Variants in AMH observed in about 807,000 individuals in gnomAD.
AMH encodes anti-Mullerian hormone.
In AMH, 39 loss-of-function variants were observed where a neutral mutation model predicts 33.3. The ratio of observed to expected loss-of-function variants is 1.17; its 90% CI spans 0.91 to 1.53. The LOEUF is 1.53. AMH is among the 40% of genes most tolerant of loss of function. The probability of loss-of-function intolerance (pLI) is 0.00; values close to 1 mark genes in which losing one functional copy is unlikely to be tolerated. For synonymous variants in AMH, 536 were observed against 403.0 expected, an observed-to-expected ratio of 1.33 and a Z score of -3.95; for missense variants, 1,019 against 799.8, an observed-to-expected ratio of 1.27 and a Z score of -3.30.
rs761154658 is a variant in AMH at position 2,250,768 on chromosome 19, C to CGCGTGGAGAGGG, written c.664+9_664+20dup. On this transcript the variant is annotated intron_variant, in intron 3 of 4. Coordinates refer to ENST00000221496, the MANE Select transcript of AMH (RefSeq NM_000479.5). ...TGCAGCCCCGCGGAGAGGGTAGGTC[C>CGCGTGGAGAGGG]GCGTGGAGAGGGACGGGGAGCCGGG... 5.9e-5 allele frequency: 90 copies of CGCGTGGAGAGGG among 1,535,074 alleles called. No individual in the cohort carries two copies. In the Middle Eastern group the frequency reaches 1.1e-3, roughly 19 times the overall value.
intron 1 of AMH, 192 bp from the exon 2 acceptor site, chr19:2,250,145 A>G (rs1473661009): frequency 8.6e-6 from 8 of 930,698 alleles, no homozygotes; most frequent in Non-Finnish European, 1.3e-5. Flanking sequence ...CCCCACCCAC[A>G]GCCTCAGACG....
At chr19:2,250,062 C>T (rs116060400) in intron 1 of AMH, 400 of 626,582 alleles carry the variant, frequency 6.4e-4, no homozygotes, top group African/African-American at 6.0e-3. Context: ...TTCTCAGGGC[C>T]GCTGGCCTAA....
At position 2,250,902 on chromosome 19, in the gene AMH, C is replaced by A. The variant is rs915766045; in HGVS notation, c.718C>A (p.Arg240Ser). ...LQALLFGDDH[R>S]CFTRMTPALL... The stretch of plus-strand genomic sequence containing the variant: ...GGCACTGCTGTTCGGCGACGACCAC[C>A]GCTGCTTCACACGGATGACCCCGGC... The change falls in exon 4 of 5, where the codon CGC becomes AGC. Residue 240 changes from arginine (R) to serine (S), a missense_variant. Physicochemically the swap from Arg to Ser is moderately radical, Grantham distance 110. Transcript: ENST00000221496. The A allele has an allele frequency of 6.4e-7, 1 of 1,572,140 alleles. No homozygotes were observed. The highest frequency in any genetic ancestry group is 1.3e-5 in the African/African-American group (1 of 74,534).
At position 2,251,515 on chromosome 19, in the gene AMH, G is replaced by A. The variant is rs1568394742; in HGVS notation, c.1241G>A (p.Gly414Asp). Residue 414 changes from glycine (G) to aspartate (D), a missense_variant, in exon 5 of 5, where the codon GGC becomes GAC. By Grantham distance (94) the Gly-to-Asp change is moderately conservative. Coordinates refer to ENST00000221496, the MANE Select transcript of AMH (RefSeq NM_000479.5). ...LARLLALCPG[G>D]PGGLGDPLRA... is the part of the protein sequence containing the mutation. ...CGCCTGCTCGCGCTCTGCCCAGGTG[G>A]CCCCGGCGGCCTCGGCGATCCCCTG... The A allele has an allele frequency of 3.0e-6, 4 of 1,340,322 alleles. No homozygotes were observed. In the East Asian group the frequency reaches 1.3e-4, roughly 43 times the overall value. The allele number at this position is 1,340,322 out of a possible 1,614,324, so 83.0% of individuals were successfully genotyped here. A position where few individuals can be genotyped will look rare whatever the true frequency, so the allele number is the denominator to read the frequency against.
chr19:2,250,824 C>T (rs752384580), intron 3 of AMH, 25 bp from the exon 4 acceptor site: 71 of 1,547,270 alleles, frequency 4.6e-5, no homozygotes, highest in Middle Eastern at 4.3e-4. Flanking sequence ...AGCCCCTGAG[C>T]CAGCCGCGTG....
In AMH at chr19:2,251,416, C is replaced by T. The variant is rs1353671295; in HGVS notation, c.1142C>T (p.Ala381Val). The stretch of plus-strand genomic sequence containing the variant: ...ACGGCCCTGGCGCGCCGCGTGGCTG[C>T]TGAACTGCAAGCGGCGGCTGCCGAG... ...WATALARRVA[A>V]ELQAAAAELR... The change falls in exon 5 of 5, where the codon GCT becomes GTT. Residue 381 changes from alanine to valine, a missense_variant. By Grantham distance (64) the Ala-to-Val change is moderately conservative (BLOSUM62 0). Transcript: ENST00000221496. 1 of 1,446,252 alleles carries T rather than the reference C, an allele frequency of 6.9e-7. No individual in the cohort carries two copies. Among genetic ancestry groups the T allele is most frequent in the East Asian group, 3.1e-5 (1 of 32,762 alleles). The allele number at this position is 1,446,252 out of a possible 1,614,324, so 89.6% of individuals were successfully genotyped here. A position where few individuals can be genotyped will look rare whatever the true frequency, so the allele number is the denominator to read the frequency against.
chr19:2,251,821 G>C lies in AMH; in HGVS notation c.1547G>C (p.Arg516Pro). 2.5e-6 allele frequency: 4 copies of C among 1,603,672 alleles called. No homozygotes were observed. The highest frequency in any genetic ancestry group is 2.5e-6 in the Non-Finnish European group (3 of 1,178,596). ...HVVLLLKMQVRGAALARPPCC... is the reference protein window; with the variant it reads ...HVVLLLKMQVPGAALARPPCC... ...GTGCTGCTGCTGAAGATGCAGGTCC[G>C]TGGGGCCGCCCTGGCGCGCCCACCC... Residue 516 changes from arginine to proline, a missense_variant, in exon 5 of 5, where the codon CGT becomes CCT. By Grantham distance (103) the Arg-to-Pro change is moderately radical (BLOSUM62 -2). Coordinates refer to ENST00000221496, the MANE Select transcript of AMH (RefSeq NM_000479.5).
At position 2,250,991 on chromosome 19, in the gene AMH, G is replaced by A. The variant is rs781479377; in HGVS notation, c.807G>A (p.Val269=). 3 of 1,514,838 alleles carry A rather than the reference G, an allele frequency of 2.0e-6. No homozygotes were observed. The highest frequency in any genetic ancestry group is 2.6e-5 in the East Asian group (1 of 38,510). The allele number at this position is 1,514,838 out of a possible 1,614,324, so 93.8% of individuals were successfully genotyped here. The change falls in exon 4 of 5, where the codon GTG becomes GTA. Residue 269 remains valine (V), a synonymous_variant. Coordinates refer to ENST00000221496, the MANE Select transcript of AMH (RefSeq NM_000479.5). ...CTGCGCACGGCCAGCTGGACACCGT[G>A]CCCTTCCCGCCGCCCAGGTGCGCGC... The part of the protein sequence containing the change: ...PLPAHGQLDT[V]PFPPPRPSAE...
chr19:2,249,419 G>C lies in AMH; in HGVS notation c.87G>C (p.Glu29Asp), dbSNP rs765683297. The change falls in exon 1 of 5, where the codon GAG (glutamate) becomes GAC (aspartate). Residue 29 changes from glutamate to aspartate, a missense_variant. Physicochemically the swap from Glu to Asp is conservative, Grantham distance 45 (BLOSUM62 2). Transcript: ENST00000221496. ...GGACTGAGGCCCTCAGAGCAGAGGA[G>C]CCAGCTGTGGGCACCAGTGGCCTCA... is the stretch of plus-strand genomic sequence containing the variant. Reference protein sequence around the residue: ...LLGTEALRAEEPAVGTSGLIF... With the variant: ...LLGTEALRAEDPAVGTSGLIF... 1 of 1,597,774 alleles carries C rather than the reference G, an allele frequency of 6.3e-7. No individual in the cohort carries two copies. Among genetic ancestry groups the C allele is most frequent in the Non-Finnish European group, 8.5e-7 (1 of 1,173,066 alleles).
At position 2,249,461 on chromosome 19, in the gene AMH, G is replaced by T; in HGVS notation, c.129G>T (p.Leu43Phe). Residue 43 changes from leucine to phenylalanine, a missense_variant, in exon 1 of 5, where the codon TTG (leucine) becomes TTT (phenylalanine). Physicochemically the swap from Leu to Phe is conservative, Grantham distance 22. Transcript: ENST00000221496. ...GTGGCCTCATCTTCCGAGAAGACTT[G>T]GACTGGCCTCCAGGCAGCCCACAAG... ...GTSGLIFRED[L>F]DWPPGSPQEP... The T allele has an allele frequency of 6.2e-7, 1 of 1,606,486 alleles. No individual in the cohort carries two copies.
Position 2,250,754 on chromosome 19 carries a change from G to T in AMH, c.658G>T (p.Gly220Ter). The T allele has an allele frequency of 6.5e-7, 1 of 1,535,528 alleles. No homozygotes were observed. The highest frequency in any genetic ancestry group is 8.7e-7 in the Non-Finnish European group (1 of 1,147,010). Residue 220 changes from glycine (G) to a stop codon, truncating the protein, a stop_gained, in exon 3 of 5, where the codon GGA (glycine) becomes TGA (stop). Coordinates refer to ENST00000221496, the MANE Select transcript of AMH (RefSeq NM_000479.5). LOFTEE classifies it high-confidence loss of function. ...GCTGGCCTTGACCCTGCAGCCCCGC[G>T]GAGAGGGTAGGTCCGCGTGGAGAGG... ...SGLALTLQPR[G>*]EDSRLSTARL...
In AMH at chr19:2,249,477, A is replaced by G; in HGVS notation, c.145A>G (p.Ser49Gly). The change falls in exon 1 of 5, where the codon AGC becomes GGC. Residue 49 changes from serine (S) to glycine (G), a missense_variant. Ser to Gly is a moderately conservative substitution (Grantham distance 56, BLOSUM62 0). Coordinates refer to ENST00000221496, the MANE Select transcript of AMH (RefSeq NM_000479.5). ...FREDLDWPPG[S>G]PQEPLCLVAL... is the part of the protein sequence containing the mutation. ...AGAAGACTTGGACTGGCCTCCAGGC[A>G]GCCCACAAGAGCCTCTGTGCCTGGT... The G allele has an allele frequency of 1.2e-6, 2 of 1,607,530 alleles. No homozygotes were observed. The highest frequency in any genetic ancestry group is 8.5e-7 in the Non-Finnish European group (1 of 1,177,864).
chr19:2,249,884 G>A lies in AMH; in HGVS notation c.412+140G>A, dbSNP rs1057359754. 1.9e-4 allele frequency: 199 copies of A among 1,039,088 alleles called. 2 individuals are homozygous for A. The highest frequency in any genetic ancestry group is 1.9e-3 in the Middle Eastern group (6 of 3,176). The allele number at this position is 1,039,088 out of a possible 1,614,324, so 64.4% of individuals were successfully genotyped here. A position where few individuals can be genotyped will look rare whatever the true frequency, so the allele number is the denominator to read the frequency against. ...TCTTGTTCCTAGGACTGGGTTGCGGGTCCGTGGCCTGGAAGGTGGGCACCA... is the reference window on the plus strand; with the variant it reads ...TCTTGTTCCTAGGACTGGGTTGCGGATCCGTGGCCTGGAAGGTGGGCACCA... On this transcript the variant is annotated intron_variant, in intron 1 of 4. Coordinates refer to ENST00000221496, the MANE Select transcript of AMH (RefSeq NM_000479.5).
chr19:2,251,125 C>T lies in AMH; in HGVS notation c.851C>T (p.Pro284Leu). The T allele has an allele frequency of 1.9e-6, 3 of 1,540,478 alleles. No individual in the cohort carries two copies. The Middle Eastern group carries it at 5.1e-4, about 264-fold the overall frequency. ...PRPSAELEES[P>L]PSADPFLETL... ...CCATCCGCGGAACTCGAGGAGTCGC[C>T]ACCCAGCGCAGACCCCTTCCTGGAG... The change falls in exon 5 of 5, where the codon CCA (proline) becomes CTA (leucine). Residue 284 changes from proline to leucine, a missense_variant. Coordinates refer to ENST00000221496, the MANE Select transcript of AMH (RefSeq NM_000479.5).
In AMH at chr19:2,249,749, G is replaced by T; in HGVS notation, c.412+5G>T. 1 of 1,499,304 alleles carries T rather than the reference G, an allele frequency of 6.7e-7. No homozygotes were observed. Among genetic ancestry groups the T allele is most frequent in the African/African-American group, 1.4e-5 (1 of 71,586 alleles). The allele number at this position is 1,499,304 out of a possible 1,614,324, so 92.9% of individuals were successfully genotyped here. A position where few individuals can be genotyped will look rare whatever the true frequency, so the allele number is the denominator to read the frequency against. On this transcript the variant is annotated splice_donor_5th_base_variant and intron_variant, in intron 1 of 4. Coordinates refer to ENST00000221496, the MANE Select transcript of AMH (RefSeq NM_000479.5). ...TGGTCCTACACCTGGAGGAAGGTATGTGGGGCCCAGCCCCAAGCTTGGCAC... is the reference window on the plus strand; with the variant it reads ...TGGTCCTACACCTGGAGGAAGGTATTTGGGGCCCAGCCCCAAGCTTGGCAC...
rs1041428114 is a variant in AMH, at chr19:2,251,254, T to C, written c.980T>C (p.Leu327Pro). ...PDALAGFPQG[L>P]VNLSDPAALE... ...GCGCTGGCCGGCTTCCCGCAGGGCC[T>C]AGTCAACCTGTCGGACCCCGCGGCG... The change falls in exon 5 of 5, where the codon CTA (leucine) becomes CCA (proline). Residue 327 changes from leucine (L) to proline (P), a missense_variant. Leu to Pro is a moderately conservative substitution (Grantham distance 98). Transcript: ENST00000221496. 1 of 1,505,122 alleles carries C rather than the reference T, an allele frequency of 6.6e-7. No individual in the cohort carries two copies. The highest frequency in any genetic ancestry group is 2.1e-5 in the Admixed American group (1 of 47,886). The allele number at this position is 1,505,122 out of a possible 1,614,324, so 93.2% of individuals were successfully genotyped here.
At chr19:2,250,783 G>C in intron 3 of AMH, 23 bp downstream of exon 3, 1 of 1,535,236 alleles carries the variant, frequency 6.5e-7, no homozygotes, top group South Asian at 1.2e-5. Context: ...GGAGAGGGAC[G>C]GGGAGCCGGG....
rs770263276 is a variant in AMH, at chr19:2,251,913, C to G, written c.1639C>G (p.His547Asp). Residue 547 changes from histidine (H) to aspartate (D), a missense_variant, in exon 5 of 5, where the codon CAC becomes GAC. His to Asp is a moderately conservative substitution (Grantham distance 81). Transcript: ENST00000221496. ...CCTGTCGGAGGAGCGCATCAGCGCG[C>G]ACCACGTGCCCAACATGGTGGCCAC... is the stretch of plus-strand genomic sequence containing the variant. Reference protein sequence around the residue: ...ISLSEERISAHHVPNMVATEC... With the variant: ...ISLSEERISADHVPNMVATEC... 7 of 1,559,994 alleles carry G rather than the reference C, an allele frequency of 4.5e-6. No homozygotes were observed. In the East Asian group the frequency reaches 1.4e-4, roughly 32 times the overall value.
chr19:2,250,280 AT>A (rs2025005544), intron 1 of AMH, 56 bp from the exon 2 acceptor site: 1 of 1,552,220 alleles, frequency 6.4e-7, no homozygotes, highest in East Asian at 2.3e-5. Flanking sequence ...GATCCCAAAG[AT>A]TCCCGGGGGG....
Sources: gnomAD v4.1 joint callset for allele counts on GRCh38, gnomAD v4.1.1 for gene constraint, MANE v1.5 for transcripts, NCBI Gene and HGNC (gene_info 2026-07-23, HGNC 2026-07-21) for gene names.